KCTD19: variants seen among roughly 807,000 people sequenced by gnomAD.
KCTD19 encodes the protein BTB/POZ domain-containing protein KCTD19.
A neutral mutation model predicts 103.5 loss-of-function variants in KCTD19; 67 were observed. The observed-to-expected ratio is 0.65, with a 90% CI of 0.53 to 0.79. The LOEUF (loss-of-function observed/expected upper bound fraction) is 0.79, where lower values mean the gene tolerates loss of function less well. Among genes scored for constraint, KCTD19 ranks in the 30% least tolerant of loss-of-function variants. The pLI is 0.00. For missense variants in KCTD19, 980 were observed against 1,136.1 expected (o/e 0.86, Z 1.98); for synonymous variants, 439 against 452.2 (o/e 0.97, Z 0.37).
chr16:67,302,025 T>G (rs2142508863), intron 4 of KCTD19, 103 bp from the exon 5 acceptor site: 1 of 1,044,248 alleles, frequency 9.6e-7, no homozygotes, highest in East Asian at 2.4e-5. Flanking sequence ...TATCCTAGGT[T>G]CTCCTTGTTC....
Position 67,295,048 on chromosome 16 carries a change from G to T in KCTD19, c.1400C>A (p.Pro467His). The change falls in exon 10 of 16, where the codon CCC (proline) becomes CAC (histidine). Residue 467 changes from proline to histidine, a missense_variant. Physicochemically the swap from Pro to His is moderately conservative, Grantham distance 77 (BLOSUM62 -2). Transcript: ENST00000304372. ...TTCCTCCACCTCCTGGCAGAAGAGG[G>T]GCCATTCCCTGCAAACAACAAGGAG... is the stretch of plus-strand genomic sequence containing the variant. ...LFLPSEFKEW[P>H]LFCQEVEEYH... is the part of the protein sequence containing the mutation. The T allele has an allele frequency of 6.2e-7, 1 of 1,613,836 alleles. No homozygotes were observed. The highest frequency in any genetic ancestry group is 2.2e-5 in the East Asian group (1 of 44,888).
At chr16:67,301,981 G>C in intron 4 of KCTD19, 59 bp from the exon 5 acceptor site, 2 of 1,580,102 alleles carry the variant, frequency 1.3e-6, no homozygotes, top group Non-Finnish European at 1.7e-6. Context: ...TTAGCTGTAG[G>C]TCCTGGTTTT....
At position 67,295,382 on chromosome 16, in the gene KCTD19, A is replaced by C. The variant is rs1567447929; in HGVS notation, c.1272T>G (p.Pro424=). 8 of 1,613,260 alleles carry C rather than the reference A, an allele frequency of 5.0e-6. No homozygotes were observed. Among genetic ancestry groups the C allele is most frequent in the Non-Finnish European group, 6.8e-6 (8 of 1,179,354 alleles). ...LLKYPELLSN[P]QRVYWITYGQ... is the part of the protein sequence containing the mutation. ...CATATGTGATCCAGTACACTCTCTG[A>C]GGGTTGGACAGCAGTTCTGGATACT... is the stretch of plus-strand genomic sequence containing the variant. Residue 424 remains proline (P), a synonymous_variant, in exon 9 of 16, where the codon CCT becomes CCG. Transcript: ENST00000304372.
chr16:67,293,844 T>C lies in KCTD19; in HGVS notation c.1918A>G (p.Arg640Gly), dbSNP rs754978796. The C allele has an allele frequency of 1.2e-6, 2 of 1,614,008 alleles. No individual in the cohort carries two copies. The highest frequency in any genetic ancestry group is 2.2e-5 in the South Asian group (2 of 91,076). ...TPMQKLISLVREWDMVNCKQW... is the reference protein window; with the variant it reads ...TPMQKLISLVGEWDMVNCKQW... ...TTGCAATTGACCATGTCCCATTCTC[T>C]CACCAGGGAGATGAGTTTTTGCATG... Residue 640 changes from arginine to glycine, a missense_variant, in exon 12 of 16, where the codon AGA becomes GGA. By Grantham distance (125) the Arg-to-Gly change is moderately radical. Coordinates refer to ENST00000304372, the MANE Select transcript of KCTD19 (RefSeq NM_001100915.3). The surrounding 1 kb of genome is among the most constrained non-coding windows in gnomAD (Gnocchi z 4.0).
Position 67,303,114 on chromosome 16 carries a change from GCCCC to G in KCTD19, c.643+28_643+31del. ...AGGGGTGAATGGGCCCTATCAGCCC[GCCCC>G]CCACCCCACCCCGGACAGAGCAATC... is the stretch of plus-strand genomic sequence containing the variant. On this transcript the variant is annotated intron_variant, in intron 4 of 15. Transcript: ENST00000304372. This position sits in a 1 kb window ranked among gnomAD's most constrained non-coding sequence, Gnocchi z 4.3. 9.1e-7 allele frequency: 1 copy of G among 1,097,054 alleles called. No homozygotes were observed. 68.0% of individuals were successfully genotyped at this position (1,097,054 alleles called of 1,614,324 possible).
At chr16:67,292,264 G>A (rs2036707840) in intron 12 of KCTD19, among the ~76,000 whole-genome samples, 1 of 152,148 alleles carries the variant, frequency 6.6e-6, no homozygotes, top group Admixed American at 6.5e-5. Context: ...CTGGTGACAG[G>A]CCAGTACAAT....
chr16:67,321,043 A>G (rs1010283921), intron 1 of KCTD19, among the ~76,000 whole-genome samples, 158 bp from the exon 2 acceptor site: 3 of 152,194 alleles, frequency 2.0e-5, no homozygotes, highest in Non-Finnish European at 2.9e-5. Context: ...AAATAAGTCC[A>G]GGCCAGGCAT....
intron 2 of KCTD19, among the ~76,000 whole-genome samples, chr16:67,318,879 A>T (rs1195066550): frequency 6.6e-6 from 1 of 152,074 alleles, no homozygotes; most frequent in Admixed American, 6.6e-5. Flanking sequence ...AAATTCAAGA[A>T]GGTAGCTTGA....
At chr16:67,322,276 A>AAC (rs113574233) in intron 1 of KCTD19, among the ~76,000 whole-genome samples, 33,217 of 151,096 alleles carry the variant, frequency 0.22, 7,478 homozygotes, top group African/African-American at 0.58. Context: ...CTGCAAGTGA[A>AAC]ACAGACCTAA....
In KCTD19 at chr16:67,320,460, T is replaced by C; in HGVS notation, c.300+129A>G. 1 of 885,674 alleles carries C rather than the reference T, an allele frequency of 1.1e-6. No individual in the cohort carries two copies. Among genetic ancestry groups the C allele is most frequent in the Non-Finnish European group, 1.8e-6 (1 of 564,964 alleles). The allele number at this position is 885,674 out of a possible 1,614,324, so 54.9% of individuals were successfully genotyped here. On this transcript the variant is annotated intron_variant, in intron 2 of 15. Transcript: ENST00000304372. The surrounding 1 kb of genome is among the most constrained non-coding windows in gnomAD (Gnocchi z 4.0). ...TACTAATGAGGAAATTATTTATTACTTTAACACACTTATTACATTTGCCCA... is the reference window on the plus strand; with the variant it reads ...TACTAATGAGGAAATTATTTATTACCTTAACACACTTATTACATTTGCCCA...
intron 6 of KCTD19, among the ~76,000 whole-genome samples, chr16:67,298,403 T>C (rs899192449): frequency 1.3e-5 from 2 of 152,182 alleles, no homozygotes; most frequent in African/African-American, 4.8e-5. Flanking sequence ...GCCCTCTAAA[T>C]GGACTAATTT....
chr16:67,325,842 T>A (rs565119296), intron 1 of KCTD19: 1 of 152,004 alleles, frequency 6.6e-6, no homozygotes, highest in East Asian at 1.9e-4. Flanking sequence ...CCCCACCCCA[T>A]TACAAAGAGC....
At chr16:67,291,489 G>C in intron 13 of KCTD19, 26 bp from the exon 14 acceptor site, 1 of 1,609,516 alleles carries the variant, frequency 6.2e-7, no homozygotes, top group Non-Finnish European at 8.5e-7. Context: ...AGTGGATGTG[G>C]CCACATCTGT....
Position 67,294,528 on chromosome 16 carries a change from C to T in KCTD19, c.1590+52G>A, listed in dbSNP as rs183938011. On this transcript the variant is annotated intron_variant, in intron 11 of 15. Coordinates refer to ENST00000304372, the MANE Select transcript of KCTD19 (RefSeq NM_001100915.3). ...AACCTACCCCCATCCACCCTGAGCCCGGTGGTAGTGGTTTTTGAGGATAAC... is the reference window on the plus strand; with the variant it reads ...AACCTACCCCCATCCACCCTGAGCCTGGTGGTAGTGGTTTTTGAGGATAAC... 1.2e-4 allele frequency: 159 copies of T among 1,277,724 alleles called. No individual in the cohort carries two copies. In the African/African-American group the frequency reaches 1.6e-3, roughly 13 times the overall value. 79.1% of individuals were successfully genotyped at this position (1,277,724 alleles called of 1,614,324 possible).
At chr16:67,296,583 T>C (rs984313280) in intron 7 of KCTD19, among the ~76,000 whole-genome samples, 1 of 152,152 alleles carries the variant, frequency 6.6e-6, no homozygotes, top group African/African-American at 2.4e-5. Flanking sequence ...TAGCTTTTCA[T>C]GTGGCCACTC....
chr16:67,319,223 C>A (rs1280500757), intron 2 of KCTD19, among the ~76,000 whole-genome samples: 6 of 144,998 alleles, frequency 4.1e-5, no homozygotes, highest in African/African-American at 1.3e-4. Context: ...AATTCCATCT[C>A]GAAGAAAAAA....
At chr16:67,291,560 C>T (rs2036696050) in intron 13 of KCTD19, 86 bp downstream of exon 13, 2 of 1,568,056 alleles carry the variant, frequency 1.3e-6, no homozygotes, top group African/African-American at 2.7e-5. Flanking sequence ...CCCCAGGGGC[C>T]ACTGTCTCTG....
chr16:67,308,221 C>T (rs552224530), intron 2 of KCTD19, among the ~76,000 whole-genome samples: 8 of 146,944 alleles, frequency 5.4e-5, no homozygotes, highest in Non-Finnish European at 1.0e-4. Context: ...GGAGTGCAGT[C>T]GTACAATCAT....
chr16:67,294,120 A>G lies in KCTD19; in HGVS notation c.1642T>C (p.Trp548Arg), dbSNP rs772804024. 2.5e-5 allele frequency: 41 copies of G among 1,611,504 alleles called. No homozygotes were observed. The highest frequency in any genetic ancestry group is 3.3e-5 in the Non-Finnish European group (39 of 1,177,950). Residue 548 changes from tryptophan (W) to arginine (R), a missense_variant, in exon 12 of 16, where the codon TGG (tryptophan) becomes CGG (arginine). Trp to Arg is a moderately radical substitution (Grantham distance 101, BLOSUM62 -3). Coordinates refer to ENST00000304372, the MANE Select transcript of KCTD19 (RefSeq NM_001100915.3). The stretch of plus-strand genomic sequence containing the variant: ...ACCAGGTTTCCCTTAGCCTTGTTCC[A>G]TGGAGTCCTGTCACTGCAGTCTTCG... ...DFEDCSDRTP[W>R]NKAKGNLVRS...
Sources: allele counts gnomAD v4.1 joint callset (sites outside exome capture counted in the v4.1 genomes callset), GRCh38; gene constraint gnomAD v4.1.1; non-coding constraint Gnocchi (gnomAD v3.1); transcripts MANE v1.5; gene names NCBI Gene and HGNC (gene_info 2026-07-23, HGNC 2026-07-21).